The following CLYBL variants were observed in gnomAD, a reference collection of about 807,000 sequenced individuals.
CLYBL encodes the protein citramalyl-CoA lyase, also known as citramalyl-CoA lyase, mitochondrial.
In CLYBL, 31 loss-of-function variants were observed where a neutral mutation model predicts 38.9. The ratio of observed to expected loss-of-function variants is 0.80; its 90% CI spans 0.60 to 1.08. The LOEUF (loss-of-function observed/expected upper bound fraction) is 1.08, where lower values mean the gene tolerates loss of function less well. Among genes scored for constraint, CLYBL ranks in the 50% least tolerant of loss-of-function variants. The probability of loss-of-function intolerance (pLI) is 0.00; values close to 1 mark genes in which losing one functional copy is unlikely to be tolerated. For synonymous variants in CLYBL, 171 were observed against 158.6 expected (o/e 1.08, Z -0.59); for missense variants, 434 against 411.6 (o/e 1.05, Z -0.47).
intron 2 of CLYBL, among the ~76,000 whole-genome samples, chr13:99,814,095 T>C (rs916529282): frequency 2.6e-5 from 4 of 152,254 alleles, no homozygotes; most frequent in Admixed American, 2.6e-4. Flanking sequence ...GTTTGTTTTC[T>C]TGTTTTAACT....
intron 2 of CLYBL, among the ~76,000 whole-genome samples, chr13:99,855,748 C>T (rs917132361): frequency 2.6e-5 from 4 of 151,960 alleles, no homozygotes; most frequent in African/African-American, 9.7e-5. Flanking sequence ...GGCGTGTTTG[C>T]TAGCACAGTC....
chr13:99,854,599 T>C (rs1021441078), intron 2 of CLYBL, among the ~76,000 whole-genome samples: 8 of 152,142 alleles, frequency 5.3e-5, no homozygotes, highest in African/African-American at 1.7e-4. Flanking sequence ...CCTCTTCCAC[T>C]GGAGTGTAAA....
intron 1 of CLYBL, among the ~76,000 whole-genome samples, chr13:99,768,764 C>T (rs1029567523): frequency 3.9e-5 from 6 of 152,068 alleles, no homozygotes; most frequent in African/African-American, 9.7e-5. Context: ...CCCCCTGCCT[C>T]GGCCTCCCAA....
chr13:99,764,543 G>A (rs1236381515), intron 1 of CLYBL, among the ~76,000 whole-genome samples: 2 of 152,076 alleles, frequency 1.3e-5, no homozygotes, highest in Non-Finnish European at 2.9e-5. Flanking sequence ...GTTCATAGTA[G>A]TCTCTAATGA....
chr13:99,848,278 G>T lies in CLYBL; in HGVS notation c.250-10583G>T, dbSNP rs115195033. ...ACTGTTACTTCACTTCTCATTATATGGGGCTTTCATCGCCACAACTGGATG... is the reference window on the plus strand; with the variant it reads ...ACTGTTACTTCACTTCTCATTATATTGGGCTTTCATCGCCACAACTGGATG... On this transcript the variant is annotated intron_variant, in intron 2 of 8. Transcript: ENST00000339105. Among the ~76,000 whole-genome samples the T allele has an allele frequency of 2.1e-3, 326 of 152,228 alleles. 2 individuals are homozygous for T. Among genetic ancestry groups the T allele is most frequent in the African/African-American group, 7.5e-3 (311 of 41,518 alleles).
chr13:99,846,162 AGT>A (rs970600386), intron 2 of CLYBL, among the ~76,000 whole-genome samples: 5 of 152,168 alleles, frequency 3.3e-5, no homozygotes, highest in African/African-American at 1.2e-4. Flanking sequence ...AAAATACATA[AGT>A]AAAATAAATG....
Position 99,626,888 on chromosome 13 carries a change from G to GA in CLYBL, c.62+20133dup, listed in dbSNP as rs1440522141. 4.6e-5 allele frequency among the ~76,000 whole-genome samples: 7 copies of GA among 151,558 alleles called. 1 individual carries two copies. The highest frequency in any genetic ancestry group is 4.0e-4 in the Admixed American group (6 of 15,144). Reference sequence around the variant, plus strand: ...GACATTCCAGAGCTTCAGTTACAAAGAATTTATATATTTCGGGACTAATAA... The same window carrying GA: ...GACATTCCAGAGCTTCAGTTACAAAGAAATTTATATATTTCGGGACTAATAA... On this transcript the variant is annotated intron_variant, in intron 1 of 8. Transcript: ENST00000339105.
At chr13:99,762,336 T>C (rs2049182092) in intron 1 of CLYBL, among the ~76,000 whole-genome samples, 1 of 152,212 alleles carries the variant, frequency 6.6e-6, no homozygotes, top group African/African-American at 2.4e-5. Flanking sequence ...TTTTACTTGA[T>C]TTTTGTGTAT....
intron 1 of CLYBL, among the ~76,000 whole-genome samples, chr13:99,636,925 A>G (rs2047026069): frequency 6.6e-6 from 1 of 152,044 alleles, no homozygotes; most frequent in South Asian, 2.1e-4. Context: ...CCCAGGTCGG[A>G]GTGCAGTGGT....
intron 1 of CLYBL, among the ~76,000 whole-genome samples, chr13:99,648,582 A>G (rs2047209106): frequency 6.6e-6 from 1 of 152,210 alleles, no homozygotes; most frequent in Admixed American, 6.5e-5. Flanking sequence ...TGTGTTCCAG[A>G]GTAGATAGGG....
chr13:99,631,426 A>G (rs76007418), intron 1 of CLYBL, among the ~76,000 whole-genome samples: 6,232 of 151,990 alleles, frequency 0.041, 452 homozygotes, highest in African/African-American at 0.14. Flanking sequence ...ACATACATAT[A>G]TGTGTGTGTA....
intron 1 of CLYBL, among the ~76,000 whole-genome samples, chr13:99,632,722 T>A (rs528503190): frequency 6.6e-6 from 1 of 150,480 alleles, no homozygotes; most frequent in East Asian, 2.0e-4. Context: ...TCCAGCCTGG[T>A]GACAGAGTGA....
chr13:99,876,482 T>A (rs2052047062), intron 7 of CLYBL, among the ~76,000 whole-genome samples: 1 of 150,750 alleles, frequency 6.6e-6, no homozygotes, highest in Non-Finnish European at 1.5e-5. Flanking sequence ...ATGTTTTAAA[T>A]TGTTTGCTTT....
At chr13:99,744,320 A>C (rs2048812471) in intron 1 of CLYBL, among the ~76,000 whole-genome samples, 1 of 152,146 alleles carries the variant, frequency 6.6e-6, no homozygotes, top group African/African-American at 2.4e-5. Context: ...ACCACTTGAA[A>C]GTTTGCTCCC....
downstream of CLYBL, among the ~76,000 whole-genome samples, chr13:99,897,427 C>T (rs372673086): frequency 2.0e-5 from 3 of 152,140 alleles, no homozygotes; most frequent in East Asian, 3.9e-4. Flanking sequence ...AGCTCTTGTT[C>T]GAGAACAAAC....
intron 1 of CLYBL, among the ~76,000 whole-genome samples, chr13:99,713,243 T>C (rs945795762): frequency 6.6e-6 from 1 of 152,088 alleles, no homozygotes; most frequent in Non-Finnish European, 1.5e-5. Flanking sequence ...GATGGGATCA[T>C]TTTTGTTAAT....
chr13:99,754,503 C>T (rs1164530432), intron 1 of CLYBL, among the ~76,000 whole-genome samples: 1 of 151,118 alleles, frequency 6.6e-6, no homozygotes, highest in African/African-American at 2.4e-5. Flanking sequence ...TCAAGCAATC[C>T]TCTCACCTCA....
At chr13:99,809,676 T>C (rs1342110349) in intron 2 of CLYBL, among the ~76,000 whole-genome samples, 1 of 152,254 alleles carries the variant, frequency 6.6e-6, no homozygotes, top group African/African-American at 2.4e-5. Flanking sequence ...AATTATGCCC[T>C]TCCATCGAGG....
chr13:99,753,152 T>C (rs914541531), intron 1 of CLYBL, among the ~76,000 whole-genome samples: 2 of 152,030 alleles, frequency 1.3e-5, no homozygotes, highest in African/African-American at 2.4e-5. Context: ...GAAGATGTGG[T>C]GTGTCAGGGA....
Sources: gnomAD v4.1 joint callset for allele counts (sites outside exome capture counted in the v4.1 genomes callset) on GRCh38, gnomAD v4.1.1 for gene constraint, MANE v1.5 for transcripts, NCBI Gene and HGNC (gene_info 2026-07-23, HGNC 2026-07-21) for gene names.